Variants in EHF observed in about 807,000 individuals in gnomAD.
EHF encodes ETS homologous factor, also known as ESE3 transcription factor.
In EHF, 14 loss-of-function variants were observed where a neutral mutation model predicts 45.1. The observed-to-expected ratio is 0.31, with a 90% CI of 0.21 to 0.49. The LOEUF (loss-of-function observed/expected upper bound fraction) is 0.49, where lower values mean the gene tolerates loss of function less well. Among genes scored for constraint, EHF ranks in the 20% least tolerant of loss-of-function variants. The pLI is 0.99. For synonymous variants in EHF, 136 were observed against 131.8 expected, an observed-to-expected ratio of 1.03 and a Z score of -0.22; for missense variants, 282 against 371.4, an observed-to-expected ratio of 0.76 and a Z score of 1.98.
At position 34,659,781 on chromosome 11, in the gene EHF, T is replaced by A. The variant is rs914473006; in HGVS notation, c.*850T>A. On this transcript the variant is annotated 3_prime_UTR_variant, in exon 9 of 9. Coordinates refer to ENST00000257831, the MANE Select transcript of EHF (RefSeq NM_012153.6). ...AATGGCTGAAGAGTTTGCTCTTGTA[T>A]CCCTATAGTCCAAGGTTTCTCAATC... is the stretch of plus-strand genomic sequence containing the variant. 3.3e-5 allele frequency: 5 copies of A among 152,194 alleles called. No individual in the cohort carries two copies. Among genetic ancestry groups the A allele is most frequent in the African/African-American group, 4.8e-5 (2 of 41,456 alleles). 9.4% of individuals were successfully genotyped at this position (152,194 alleles called of 1,614,324 possible). A position where few individuals can be genotyped will look rare whatever the true frequency, so the allele number is the denominator to read the frequency against.
intron 4 of EHF, among the ~76,000 whole-genome samples, chr11:34,651,132 T>G (rs544804009): frequency 2.6e-4 from 37 of 144,766 alleles, no homozygotes; most frequent in Non-Finnish European, 4.7e-4. Context: ...TTATTTATTA[T>G]ACATTTAAAT....
chr11:34,632,496 T>C, intron 1 of EHF: 1 of 1,530,872 alleles, frequency 6.5e-7, no homozygotes. Context: ...TGAGTGGAGA[T>C]TGGTTTTGGC....
intron 6 of EHF, among the ~76,000 whole-genome samples, chr11:34,654,618 A>T (rs557789693): frequency 6.6e-6 from 1 of 152,254 alleles, no homozygotes; most frequent in East Asian, 1.9e-4. Flanking sequence ...AACTCAAAGA[A>T]TATTTCCTCA....
chr11:34,629,172 T>G (rs546099333), intron 1 of EHF, among the ~76,000 whole-genome samples: 7 of 152,182 alleles, frequency 4.6e-5, no homozygotes, highest in Non-Finnish European at 1.0e-4. Flanking sequence ...TAGTGAGTTT[T>G]CCAGTTTTGT....
Position 34,660,093 on chromosome 11 carries a change from C to G in EHF, c.*1162C>G, listed in dbSNP as rs545733254. 2.0e-5 allele frequency: 3 copies of G among 152,208 alleles called. No homozygotes were observed. The highest frequency in any genetic ancestry group is 7.2e-5 in the African/African-American group (3 of 41,548). 9.4% of individuals were successfully genotyped at this position (152,208 alleles called of 1,614,324 possible). A position where few individuals can be genotyped will look rare whatever the true frequency, so the allele number is the denominator to read the frequency against. On this transcript the variant is annotated 3_prime_UTR_variant, in exon 9 of 9. Transcript: ENST00000257831. Reference sequence around the variant, plus strand: ...TTAGCTCCTTAGAGTGAAGCAAAAGCAAGACTTCAACCTCAACCTATCTTT... The same window carrying G: ...TTAGCTCCTTAGAGTGAAGCAAAAGGAAGACTTCAACCTCAACCTATCTTT...
At chr11:34,642,606 A>C (rs1590477955) in intron 1 of EHF, 22 bp from the exon 2 acceptor site, 14 of 1,484,792 alleles carry the variant, frequency 9.4e-6, no homozygotes, top group African/African-American at 1.4e-5. Flanking sequence ...CTGACTGAAC[A>C]GGCTGTTTGA....
At position 34,661,211 on chromosome 11, in the gene EHF, T is replaced by C. The variant is rs983768145; in HGVS notation, c.*2280T>C. Reference sequence around the variant, plus strand: ...TGAATTAAATATCCAGTTACTTGAATGGGTATAACGCATGAATATTTGTGT... The same window carrying C: ...TGAATTAAATATCCAGTTACTTGAACGGGTATAACGCATGAATATTTGTGT... On this transcript the variant is annotated 3_prime_UTR_variant, in exon 9 of 9. Coordinates refer to ENST00000257831, the MANE Select transcript of EHF (RefSeq NM_012153.6). Among the ~76,000 whole-genome samples, 1 of 152,130 alleles carries C rather than the reference T, an allele frequency of 6.6e-6. No individual in the cohort carries two copies. Among genetic ancestry groups the C allele is most frequent in the Non-Finnish European group, 1.5e-5 (1 of 67,994 alleles).
chr11:34,653,742 C>G (rs1289281142), intron 6 of EHF, among the ~76,000 whole-genome samples: 1 of 152,180 alleles, frequency 6.6e-6, no homozygotes, highest in Non-Finnish European at 1.5e-5. Context: ...GGAAGCAGAA[C>G]CCCGGAAAAA....
chr11:34,646,262 A>G (rs372642129), intron 2 of EHF, among the ~76,000 whole-genome samples, 177 bp from the exon 3 acceptor site: 1 of 152,058 alleles, frequency 6.6e-6, no homozygotes. Context: ...GTCCAGGGGT[A>G]GGTAGCAGGC....
intron 4 of EHF, among the ~76,000 whole-genome samples, chr11:34,649,518 G>A (rs1395577198): frequency 6.6e-6 from 1 of 152,160 alleles, no homozygotes; most frequent in Non-Finnish European, 1.5e-5. Flanking sequence ...TACTAACTTG[G>A]TATTGTAGTT....
chr11:34,643,914 T>A (rs544055497), intron 2 of EHF, among the ~76,000 whole-genome samples: 1 of 152,188 alleles, frequency 6.6e-6, no homozygotes, highest in Non-Finnish European at 1.5e-5. Context: ...GGTGCCACTT[T>A]TATTTCTTAA....
rs1855859344 is a variant in EHF, at chr11:34,658,453, G to T, written c.608-80G>T. ...AATGAGTATCTCCTACTTGCAGGAAGATGACCTAACTCAATGCTCTCTGCC... is the reference window on the plus strand; with the variant it reads ...AATGAGTATCTCCTACTTGCAGGAATATGACCTAACTCAATGCTCTCTGCC... On this transcript the variant is annotated intron_variant, in intron 7 of 8. Coordinates refer to ENST00000257831, the MANE Select transcript of EHF (RefSeq NM_012153.6). 2.4e-6 allele frequency: 3 copies of T among 1,234,180 alleles called. No individual in the cohort carries two copies. In the East Asian group the frequency reaches 7.1e-5, roughly 29 times the overall value. The allele number at this position is 1,234,180 out of a possible 1,614,324, so 76.5% of individuals were successfully genotyped here. A position where few individuals can be genotyped will look rare whatever the true frequency, so the allele number is the denominator to read the frequency against.
intron 7 of EHF, among the ~76,000 whole-genome samples, chr11:34,657,820 T>C (rs1481180531): frequency 1.3e-5 from 2 of 148,658 alleles, no homozygotes; most frequent in East Asian, 4.0e-4. Flanking sequence ...ATCCAGAAAT[T>C]ATGAGGAATT....
intron 6 of EHF, among the ~76,000 whole-genome samples, chr11:34,652,261 G>A (rs935770308): frequency 6.6e-6 from 1 of 152,196 alleles, no homozygotes; most frequent in African/African-American, 2.4e-5. Context: ...GGTAGCCATT[G>A]GAAACTTCCA....
chr11:34,635,373 A>G (rs1233593527), intron 1 of EHF, among the ~76,000 whole-genome samples: 1 of 151,122 alleles, frequency 6.6e-6, no homozygotes, highest in Non-Finnish European at 1.5e-5. Flanking sequence ...GTGTGGTTCC[A>G]GTTCCCTGCC....
intron 1 of EHF, among the ~76,000 whole-genome samples, chr11:34,624,033 C>T (rs1236027464): frequency 6.6e-6 from 1 of 152,146 alleles, no homozygotes; most frequent in Non-Finnish European, 1.5e-5. Context: ...GCAAGAATCC[C>T]GTGGCAGAAT....
At chr11:34,638,005 G>A (rs549943840) in intron 1 of EHF, among the ~76,000 whole-genome samples, 19 of 151,690 alleles carry the variant, frequency 1.3e-4, no homozygotes, top group East Asian at 1.2e-3. Context: ...GGGTTCAAGC[G>A]ATTCTCCTGC....
chr11:34,633,205 C>T (rs1473437641), intron 1 of EHF, among the ~76,000 whole-genome samples: 1 of 152,100 alleles, frequency 6.6e-6, no homozygotes, highest in Admixed American at 6.5e-5. Context: ...TGAATTTGAC[C>T]ATTTGGTATT....
intron 1 of EHF, among the ~76,000 whole-genome samples, chr11:34,637,698 A>G (rs895498738): frequency 6.6e-6 from 1 of 152,112 alleles, no homozygotes; most frequent in African/African-American, 2.4e-5. Context: ...TCTTCAAATA[A>G]AGAGTACGAT....
Sources: gnomAD v4.1 joint callset for allele counts (sites outside exome capture counted in the v4.1 genomes callset) on GRCh38, gnomAD v4.1.1 for gene constraint, MANE v1.5 for transcripts, NCBI Gene and HGNC (gene_info 2026-07-23, HGNC 2026-07-21) for gene names.